The following CENPF variants were observed in gnomAD, a reference collection of about 807,000 sequenced individuals.
CENPF encodes the protein AH antigen.
Under a neutral mutation model 307.3 loss-of-function variants are expected in CENPF, and 214 were observed. The observed-to-expected ratio is 0.70, with a 90% CI of 0.62 to 0.78. The LOEUF (loss-of-function observed/expected upper bound fraction) is 0.78, where lower values mean the gene tolerates loss of function less well. Among genes scored for constraint, CENPF ranks in the 30% least tolerant of loss-of-function variants. The pLI, the probability that CENPF is intolerant of heterozygous loss-of-function variation, is 0.00. For synonymous variants in CENPF, 1,259 were observed against 1,270.6 expected (o/e 0.99, Z 0.19); for missense variants, 3,401 against 3,483.9 (o/e 0.98, Z 0.60).
At chr1:214,629,866 T>G (rs373094750) in intron 8 of CENPF, among the ~76,000 whole-genome samples, 11 of 152,196 alleles carry the variant, frequency 7.2e-5, no homozygotes, top group African/African-American at 2.4e-4. Flanking sequence ...CCAGTTGTTT[T>G]TAAACCTGTG....
intron 7 of CENPF, among the ~76,000 whole-genome samples, chr1:214,625,154 T>G (rs762531053): frequency 2.0e-5 from 3 of 152,194 alleles, no homozygotes; most frequent in Non-Finnish European, 4.4e-5. Context: ...TTTTGTTATA[T>G]TGAGGCGACT....
intron 1 of CENPF, chr1:214,608,342 C>G (rs28391086): frequency 3.1e-6 from 5 of 1,607,610 alleles, no homozygotes; most frequent in Non-Finnish European, 2.5e-6. Context: ...CAGGCGGCGT[C>G]GATGTCGGCA....
intron 19 of CENPF, among the ~76,000 whole-genome samples, chr1:214,663,203 G>A (rs539716605): frequency 1.3e-5 from 2 of 152,354 alleles, no homozygotes; most frequent in Admixed American, 1.3e-4. Flanking sequence ...TGTGGAGGTA[G>A]TATTACTCAT....
Position 214,641,867 on chromosome 1 carries a change from T to G in CENPF, c.3529T>G (p.Ser1177Ala). 6.2e-7 allele frequency: 1 copy of G among 1,605,112 alleles called. No individual in the cohort carries two copies. Among genetic ancestry groups the G allele is most frequent in the Non-Finnish European group, 8.5e-7 (1 of 1,177,882 alleles). The stretch of plus-strand genomic sequence containing the variant: ...TCTAGAATCAGAACCAATTAGGAAC[T>G]CTGTGAAAGAAAGAGAGAGTGAGAG... ...QNLESEPIRN[S>A]VKERESERNQ... Residue 1177 changes from serine to alanine, a missense_variant, in exon 12 of 20, where the codon TCT becomes GCT. Physicochemically the swap from Ser to Ala is moderately conservative, Grantham distance 99. Coordinates refer to ENST00000366955, the MANE Select transcript of CENPF (RefSeq NM_016343.4).
At position 214,646,423 on chromosome 1, in the gene CENPF, A is replaced by G. The variant is rs908654412; in HGVS notation, c.6853A>G (p.Thr2285Ala). The change falls in exon 13 of 20, where the codon ACA becomes GCA. Residue 2285 changes from threonine (T) to alanine (A), a missense_variant. Thr to Ala is a moderately conservative substitution (Grantham distance 58). Coordinates refer to ENST00000366955, the MANE Select transcript of CENPF (RefSeq NM_016343.4). ...TGGTGACCAAGAAATTATGAAGGCC[A>G]CAGAACAGAGTCTAGACCCACCAAT... ...LCGDQEIMKA[T>A]EQSLDPPIEE... is the part of the protein sequence containing the mutation. 2 of 1,614,138 alleles carry G rather than the reference A, an allele frequency of 1.2e-6. No homozygotes were observed. Among genetic ancestry groups the G allele is most frequent in the East Asian group, 2.2e-5 (1 of 44,864 alleles).
At chr1:214,628,296 G>C (rs1288607371) in intron 7 of CENPF, among the ~76,000 whole-genome samples, 1 of 152,050 alleles carries the variant, frequency 6.6e-6, no homozygotes. Flanking sequence ...TTGATTCCAG[G>C]ACCCTTTTAG....
rs1336932788 is a variant in CENPF, at chr1:214,657,409, G to C, written c.8962G>C (p.Gly2988Arg). 6 of 1,586,364 alleles carry C rather than the reference G, an allele frequency of 3.8e-6. No homozygotes were observed. In the East Asian group the frequency reaches 1.3e-4, roughly 36 times the overall value. ...PEGLPEVVKK[G>R]FADIPTGKTS... is the part of the protein sequence containing the mutation. ...GGGACTTCCAGAAGTTGTAAAGAAA[G>C]GTATGCCTAATTTAAAGACAAAATT... is the stretch of plus-strand genomic sequence containing the variant. The change falls in exon 18 of 20, where the codon GGG becomes CGG. Residue 2988 changes from glycine (G) to arginine (R), a missense_variant and splice_region_variant. Transcript: ENST00000366955.
chr1:214,659,940 G>A lies in CENPF; in HGVS notation c.9141+912G>A, dbSNP rs74966047. ...TGCTCACTTGTCAGAGTTTGATCAA[G>A]TATGCGAGCTGATAACCTTGAACCA... On this transcript the variant is annotated intron_variant, in intron 19 of 19. Transcript: ENST00000366955. This position sits in a 1 kb window ranked among gnomAD's most constrained non-coding sequence, Gnocchi z 4.4. Among the ~76,000 whole-genome samples, 872 of 152,302 alleles carry A rather than the reference G, an allele frequency of 5.7e-3. 6 individuals are homozygous for A. The highest frequency in any genetic ancestry group is 9.7e-3 in the Non-Finnish European group (659 of 68,030).
chr1:214,618,494 C>G, intron 3 of CENPF, 79 bp from the exon 4 acceptor site: 1 of 1,506,668 alleles, frequency 6.6e-7, no homozygotes, highest in Middle Eastern at 1.8e-4. Context: ...GTTTATTACT[C>G]TCTGGGAATG....
At chr1:214,624,635 CTG>C (rs889606699) in intron 7 of CENPF, among the ~76,000 whole-genome samples, 26 of 151,824 alleles carry the variant, frequency 1.7e-4, no homozygotes, top group Non-Finnish European at 2.5e-4. Flanking sequence ...CTCTCTATCT[CTG>C]TGTCAGTCTT....
At chr1:214,651,946 CTTT>C (rs34322009) in intron 15 of CENPF, 60 bp downstream of exon 15, 30 of 1,167,214 alleles carry the variant, frequency 2.6e-5, no homozygotes, top group Admixed American at 2.3e-4. Flanking sequence ...CATGGTAAGG[CTTT>C]TTTTTTTTTC....
At chr1:214,628,436 T>TTTTTG (rs921893557) in intron 7 of CENPF, among the ~76,000 whole-genome samples, 4 of 152,186 alleles carry the variant, frequency 2.6e-5, no homozygotes, top group South Asian at 2.1e-4. Context: ...GAGCAGTGAC[T>TTTTTG]TTTTGTTTTG....
At chr1:214,662,164 T>C (rs962406321) in intron 19 of CENPF, among the ~76,000 whole-genome samples, 7 of 152,150 alleles carry the variant, frequency 4.6e-5, no homozygotes, top group African/African-American at 1.7e-4. Flanking sequence ...TCTGTCTCTC[T>C]CTTTTTAAAT....
In CENPF at chr1:214,629,028, A is replaced by G; in HGVS notation, c.1069-18A>G. 6.5e-7 allele frequency: 1 copy of G among 1,534,230 alleles called. No individual in the cohort carries two copies. The highest frequency in any genetic ancestry group is 8.8e-7 in the Non-Finnish European group (1 of 1,138,596). ...GAGTAATATTTATTTTGTCTTGAAC[A>G]TTTTTATTCATTATTAGTATACTGC... On this transcript the variant is annotated intron_variant, in intron 7 of 19. Coordinates refer to ENST00000366955, the MANE Select transcript of CENPF (RefSeq NM_016343.4).
At chr1:214,605,099 A>G (rs1656986531) in intron 1 of CENPF, among the ~76,000 whole-genome samples, 1 of 152,064 alleles carries the variant, frequency 6.6e-6, no homozygotes, top group African/African-American at 2.4e-5. Flanking sequence ...AAAATGAATG[A>G]TTTTTCTTTT....
chr1:214,639,677 G>C (rs975127906), intron 11 of CENPF, among the ~76,000 whole-genome samples: 3 of 152,206 alleles, frequency 2.0e-5, no homozygotes, highest in African/African-American at 7.2e-5. Context: ...TTCTTAAGCT[G>C]CTAGAAAGAA....
chr1:214,626,312 C>T (rs1325785432), intron 7 of CENPF, among the ~76,000 whole-genome samples: 1 of 152,202 alleles, frequency 6.6e-6, no homozygotes, highest in African/African-American at 2.4e-5. Flanking sequence ...TTCTCTCCAC[C>T]TTTCAAACTT....
At chr1:214,630,394 T>A in intron 8 of CENPF, 140 bp from the exon 9 acceptor site, 1 of 985,390 alleles carries the variant, frequency 1.0e-6, no homozygotes, top group Non-Finnish European at 1.5e-6. Flanking sequence ...ACTATGTTCA[T>A]CGTTAAGTGG....
chr1:214,640,318 A>C lies in CENPF; in HGVS notation c.1980A>C (p.Glu660Asp). 6.2e-7 allele frequency: 1 copy of C among 1,613,978 alleles called. No homozygotes were observed. Among genetic ancestry groups the C allele is most frequent in the Admixed American group, 1.7e-5 (1 of 60,002 alleles). Reference protein sequence around the residue: ...CLKTQQIKSHEYNERVRTLEM... With the variant: ...CLKTQQIKSHDYNERVRTLEM... ...AGACACAGCAAATAAAAAGTCATGA[A>C]TACAACGAGAGAGTAAGAACGCTGG... Residue 660 changes from glutamate (E) to aspartate (D), a missense_variant, in exon 12 of 20, where the codon GAA becomes GAC. Coordinates refer to ENST00000366955, the MANE Select transcript of CENPF (RefSeq NM_016343.4).
Sources: gnomAD v4.1 joint callset for allele counts (sites outside exome capture counted in the v4.1 genomes callset) on GRCh38, gnomAD v4.1.1 for gene constraint, Gnocchi (gnomAD v3.1) non-coding constraint, MANE v1.5 for transcripts, NCBI Gene and HGNC (gene_info 2026-07-23, HGNC 2026-07-21) for gene names.